Variants in SDK1 observed in about 807,000 individuals in gnomAD.
The protein encoded by SDK1 is protein sidekick-1.
In SDK1, 157 loss-of-function variants were observed where a neutral mutation model predicts 245.5. The observed-to-expected ratio is 0.64, with a 90% CI of 0.56 to 0.73. The LOEUF (loss-of-function observed/expected upper bound fraction) is 0.73, where lower values mean the gene tolerates loss of function less well. Ranked by LOEUF, SDK1 falls within the 30% of genes least tolerant of loss-of-function variation. The pLI is 0.00. For synonymous variants in SDK1, 1,647 were observed against 1,278.5 expected (o/e 1.29, Z -6.15); for missense variants, 3,583 against 3,002.3 (o/e 1.19, Z -4.52).
intron 5 of SDK1, among the ~76,000 whole-genome samples, chr7:3,833,746 G>A (rs762173023): frequency 7.9e-5 from 12 of 152,214 alleles, no homozygotes; most frequent in Admixed American, 5.2e-4. Flanking sequence ...TGTATGAAGC[G>A]AATAGGCAGT....
intron 5 of SDK1, among the ~76,000 whole-genome samples, chr7:3,886,335 T>A (rs1260561125): frequency 3.3e-5 from 5 of 152,180 alleles, no homozygotes; most frequent in Non-Finnish European, 2.9e-5. Flanking sequence ...ATGCCGGACA[T>A]AGGAAGTCGG....
intron 13 of SDK1, among the ~76,000 whole-genome samples, chr7:3,982,600 G>A (rs1202002391): frequency 1.3e-5 from 2 of 152,080 alleles, no homozygotes; most frequent in Non-Finnish European, 2.9e-5. Context: ...CAACACTTTG[G>A]GAGGCTGAGG....
At chr7:3,362,366 C>A (rs147157700) in intron 1 of SDK1, among the ~76,000 whole-genome samples, 1 of 152,080 alleles carries the variant, frequency 6.6e-6, no homozygotes. Flanking sequence ...CTGTTTGAAT[C>A]TTCTCTTTTT....
chr7:3,486,055 T>G (rs1209987205), intron 1 of SDK1, among the ~76,000 whole-genome samples: 2 of 152,082 alleles, frequency 1.3e-5, no homozygotes, highest in African/African-American at 2.4e-5. Context: ...GAAAAACTCT[T>G]CATTAAAATC....
chr7:3,438,644 G>C (rs1370896299), intron 1 of SDK1, among the ~76,000 whole-genome samples: 1 of 152,110 alleles, frequency 6.6e-6, no homozygotes, highest in African/African-American at 2.4e-5. Flanking sequence ...ATCTGGGGCT[G>C]TCACTTAGTT....
rs369346916 is a variant in SDK1, at chr7:3,920,415, C to T, written c.848-30508C>T. ...CTGGGGGGAAGGTCAAGGTCAAGGT[C>T]AGCGGGATTTATGACATGGTCATCT... On this transcript the variant is annotated intron_variant, in intron 5 of 44. Transcript: ENST00000404826. Among the ~76,000 whole-genome samples, 9 of 152,166 alleles carry T rather than the reference C, an allele frequency of 5.9e-5. No individual in the cohort carries two copies. In the East Asian group the frequency reaches 9.7e-4, roughly 16 times the overall value.
intron 1 of SDK1, among the ~76,000 whole-genome samples, chr7:3,342,045 A>C (rs1780362006): frequency 6.6e-6 from 1 of 152,238 alleles, no homozygotes; most frequent in Admixed American, 6.5e-5. Context: ...AGTGATAGTA[A>C]TCAAGATACA....
intron 4 of SDK1, among the ~76,000 whole-genome samples, chr7:3,686,577 T>A (rs1009163759): frequency 6.6e-6 from 1 of 152,130 alleles, no homozygotes; most frequent in Non-Finnish European, 1.5e-5. Flanking sequence ...AATTTGGCAG[T>A]TTTTCATAAA....
chr7:3,601,627 G>A (rs1343017673), intron 1 of SDK1, among the ~76,000 whole-genome samples: 4 of 150,888 alleles, frequency 2.7e-5, no homozygotes, highest in Non-Finnish European at 3.0e-5. Context: ...AGGTTTATCA[G>A]TTTTTTTCTC....
chr7:3,951,197 G>C (rs1334295393), intron 6 of SDK1, among the ~76,000 whole-genome samples, 163 bp downstream of exon 6: 5 of 152,084 alleles, frequency 3.3e-5, no homozygotes, highest in Admixed American at 6.5e-5. Context: ...ATAAGGAAAT[G>C]GACACACTGA....
chr7:3,383,826 G>A (rs982614998), intron 1 of SDK1, among the ~76,000 whole-genome samples: 1 of 152,130 alleles, frequency 6.6e-6, no homozygotes, highest in African/African-American at 2.4e-5. Context: ...TCACAAATGG[G>A]TCTCATCCAA....
chr7:3,361,217 G>T (rs1404712297), intron 1 of SDK1, among the ~76,000 whole-genome samples: 1 of 152,148 alleles, frequency 6.6e-6, no homozygotes, highest in African/African-American at 2.4e-5. Flanking sequence ...AGATTGAAAC[G>T]GGAGGATTGC....
chr7:4,221,424 C>G, intron 40 of SDK1, 60 bp downstream of exon 40: 1 of 1,530,766 alleles, frequency 6.5e-7, no homozygotes, highest in Non-Finnish European at 8.8e-7. Flanking sequence ...GCTTCTAAGA[C>G]TGTGTCGGGG....
intron 1 of SDK1, among the ~76,000 whole-genome samples, chr7:3,564,313 A>G (rs1431062888): frequency 2.0e-5 from 3 of 152,074 alleles, no homozygotes. Flanking sequence ...GACAGACTCA[A>G]AAAGAAAGAA....
In SDK1 at chr7:4,026,869, T is replaced by G. The variant is rs1381843042; in HGVS notation, c.2602+9517T>G. Among the ~76,000 whole-genome samples, 1 of 152,178 alleles carries G rather than the reference T, an allele frequency of 6.6e-6. No individual in the cohort carries two copies. Among genetic ancestry groups the G allele is most frequent in the African/African-American group, 2.4e-5 (1 of 41,446 alleles). On this transcript the variant is annotated intron_variant, in intron 17 of 44. Transcript: ENST00000404826. The surrounding 1 kb of genome is among the most constrained non-coding windows in gnomAD (Gnocchi z 4.1). The stretch of plus-strand genomic sequence containing the variant: ...CACCCAGCGGTGTGCGGCCGGTGAC[T>G]CTACCAGGTAACGAACTCACCGCTC...
chr7:4,083,720 T>C (rs367854130), intron 22 of SDK1, among the ~76,000 whole-genome samples: 75 of 44,134 alleles, frequency 1.7e-3, no homozygotes, highest in African/African-American at 6.4e-3. Context: ...CTCCCTCCCT[T>C]CTTTACTTCC....
At chr7:4,223,414 A>C (rs1377849389) in intron 40 of SDK1, among the ~76,000 whole-genome samples, 1 of 152,216 alleles carries the variant, frequency 6.6e-6, no homozygotes, top group Non-Finnish European at 1.5e-5. Context: ...CCGGAAGCCC[A>C]CAGTCAAGGT....
intron 1 of SDK1, among the ~76,000 whole-genome samples, chr7:3,363,356 A>G (rs1271872388): frequency 6.6e-6 from 1 of 152,042 alleles, no homozygotes; most frequent in Non-Finnish European, 1.5e-5. Flanking sequence ...CAGATTGTTT[A>G]ACCATTCACC....
chr7:4,185,361 T>C (rs1417800820), intron 35 of SDK1, among the ~76,000 whole-genome samples: 2 of 152,264 alleles, frequency 1.3e-5, no homozygotes, highest in East Asian at 3.9e-4. Flanking sequence ...CGCTCCAGCC[T>C]TCAAGACACT....
Sources: gnomAD v4.1 joint callset for allele counts (sites outside exome capture counted in the v4.1 genomes callset) on GRCh38, gnomAD v4.1.1 for gene constraint, Gnocchi (gnomAD v3.1) non-coding constraint, MANE v1.5 for transcripts, NCBI Gene and HGNC (gene_info 2026-07-23, HGNC 2026-07-21) for gene names.